The following PTCHD4 variants were observed in gnomAD, a reference collection of about 807,000 sequenced individuals.
The protein encoded by PTCHD4 is patched domain containing 4.
In PTCHD4, 33 loss-of-function variants were observed where a neutral mutation model predicts 58.1. That is an observed-to-expected ratio of 0.57 (90% CI 0.43 to 0.76). The LOEUF is 0.76. Among genes scored for constraint, PTCHD4 ranks in the 30% least tolerant of loss-of-function variants. The pLI, the probability that PTCHD4 is intolerant of heterozygous loss-of-function variation, is 0.00. For synonymous variants in PTCHD4, 478 were observed against 409.6 expected (o/e 1.17, Z -2.02); for missense variants, 1,058 against 1,027.1 (o/e 1.03, Z -0.41).
intron 3 of PTCHD4, among the ~76,000 whole-genome samples, chr6:48,038,993 T>C (rs1763746196): frequency 6.6e-6 from 1 of 152,138 alleles, no homozygotes; most frequent in Non-Finnish European, 1.5e-5. Context: ...TTTGGAATTA[T>C]CAGATAAAGG....
chr6:48,109,122 G>A (rs936461353), intron 1 of PTCHD4, among the ~76,000 whole-genome samples: 4 of 152,046 alleles, frequency 2.6e-5, no homozygotes, highest in Non-Finnish European at 2.9e-5. Flanking sequence ...AAACTTCAAA[G>A]TAGTACTGTT....
At chr6:48,064,468 C>G (rs1764731121) in intron 3 of PTCHD4, among the ~76,000 whole-genome samples, 1 of 151,944 alleles carries the variant, frequency 6.6e-6, no homozygotes, top group South Asian at 2.1e-4. Flanking sequence ...AGGTAGACTT[C>G]AACAACATGT....
At position 47,931,011 on chromosome 6, in the gene PTCHD4, C is replaced by T. The variant is rs568765790; in HGVS notation, c.899-51075G>A. On this transcript the variant is annotated intron_variant, in intron 4 of 4. Coordinates refer to ENST00000339488, the MANE Select transcript of PTCHD4 (RefSeq NM_001384253.1). ...TGTTGGCTAAGCTGGTCTTGAACTC[C>T]TGACCTCAGGTGATCCACCCGCCTC... Among the ~76,000 whole-genome samples the T allele has an allele frequency of 6.6e-5, 10 of 152,346 alleles. No homozygotes were observed. The East Asian group carries it at 1.9e-3, about 29-fold the overall frequency.
chr6:48,048,589 T>C (rs1017432352), intron 3 of PTCHD4, among the ~76,000 whole-genome samples: 1 of 151,898 alleles, frequency 6.6e-6, no homozygotes, highest in Non-Finnish European at 1.5e-5. Context: ...TGTGATTTAG[T>C]AGGCCTTTTC....
intron 4 of PTCHD4, among the ~76,000 whole-genome samples, chr6:47,883,118 C>T (rs1349509869): frequency 6.6e-6 from 1 of 151,864 alleles, no homozygotes; most frequent in Non-Finnish European, 1.5e-5. Context: ...TACTTTCATT[C>T]AATGCAATAT....
At chr6:47,908,282 T>C (rs1039876842) in intron 4 of PTCHD4, among the ~76,000 whole-genome samples, 1 of 152,148 alleles carries the variant, frequency 6.6e-6, no homozygotes, top group Non-Finnish European at 1.5e-5. Flanking sequence ...TTACTATTAT[T>C]ATTGGGGTGA....
chr6:47,890,437 G>C (rs1484405099), intron 4 of PTCHD4, among the ~76,000 whole-genome samples: 2 of 152,162 alleles, frequency 1.3e-5, no homozygotes, highest in East Asian at 3.9e-4. Flanking sequence ...TGAGATCTGT[G>C]ACCTCAGGCC....
intron 4 of PTCHD4, among the ~76,000 whole-genome samples, chr6:47,894,670 A>G (rs1243727924): frequency 1.3e-5 from 2 of 152,234 alleles, no homozygotes; most frequent in African/African-American, 4.8e-5. Flanking sequence ...ATATCAAAAT[A>G]CATTTCTAAG....
intron 3 of PTCHD4, among the ~76,000 whole-genome samples, chr6:48,042,708 T>G (rs1425533675): frequency 6.6e-6 from 1 of 151,932 alleles, no homozygotes; most frequent in South Asian, 2.1e-4. Flanking sequence ...ATTGCAGTTT[T>G]CTTATTTTTC....
chr6:47,877,433 GT>G lies in PTCHD4; in HGVS notation c.*869del, dbSNP rs1763876498. On this transcript the variant is annotated 3_prime_UTR_variant, in exon 5 of 5. Transcript: ENST00000339488. The stretch of plus-strand genomic sequence containing the variant: ...AAGCCAACGAAAATCCATATCAACT[GT>G]TTATTTCTAATATGAAACAGTAAAC... Among the ~76,000 whole-genome samples, 3 of 152,130 alleles carry G rather than the reference GT, an allele frequency of 2.0e-5. No individual in the cohort carries two copies. In the South Asian group the frequency reaches 6.2e-4, roughly 32 times the overall value.
chr6:47,928,127 T>C (rs1176990872), intron 4 of PTCHD4, among the ~76,000 whole-genome samples: 2 of 152,204 alleles, frequency 1.3e-5, no homozygotes, highest in Non-Finnish European at 2.9e-5. Context: ...GCTTTGTTTT[T>C]CTGGACTATT....
chr6:48,073,346 G>C (rs986546546), intron 1 of PTCHD4, among the ~76,000 whole-genome samples: 6 of 152,234 alleles, frequency 3.9e-5, no homozygotes, highest in Middle Eastern at 3.4e-3. Context: ...CTGAGTTCTA[G>C]GCCAATTCCA....
chr6:48,052,654 T>C (rs973793836), intron 3 of PTCHD4, among the ~76,000 whole-genome samples: 2 of 152,058 alleles, frequency 1.3e-5, no homozygotes, highest in Admixed American at 6.6e-5. Context: ...TTATATGGCA[T>C]TGCAAAATAT....
At chr6:47,955,318 A>AT (rs1466666191) in intron 4 of PTCHD4, among the ~76,000 whole-genome samples, 3 of 152,226 alleles carry the variant, frequency 2.0e-5, no homozygotes, top group Admixed American at 2.0e-4. Context: ...GAGATATCTT[A>AT]TTTGGGCAGA....
At chr6:47,958,656 C>G (rs1766962011) in intron 4 of PTCHD4, among the ~76,000 whole-genome samples, 1 of 152,198 alleles carries the variant, frequency 6.6e-6, no homozygotes, top group Non-Finnish European at 1.5e-5. Flanking sequence ...AGCAAGAACT[C>G]TGCAGATCTG....
At chr6:48,067,286 G>A (rs940309505) in intron 3 of PTCHD4, among the ~76,000 whole-genome samples, 1 of 152,134 alleles carries the variant, frequency 6.6e-6, no homozygotes, top group African/African-American at 2.4e-5. Context: ...TAAATTGAGA[G>A]TCTAAACAGC....
At chr6:48,025,747 T>C (rs1245900946) in intron 3 of PTCHD4, among the ~76,000 whole-genome samples, 1 of 152,154 alleles carries the variant, frequency 6.6e-6, no homozygotes, top group Non-Finnish European at 1.5e-5. Context: ...GCTGTGTCAA[T>C]GCATTGTTAA....
intron 3 of PTCHD4, among the ~76,000 whole-genome samples, chr6:48,032,394 C>T (rs1763477378): frequency 1.3e-5 from 2 of 151,856 alleles, no homozygotes; most frequent in African/African-American, 4.8e-5. Flanking sequence ...AAAAATAGCT[C>T]GCTCTCTCTC....
chr6:47,939,268 C>T (rs1297117145), intron 4 of PTCHD4, among the ~76,000 whole-genome samples: 1 of 152,090 alleles, frequency 6.6e-6, no homozygotes, highest in African/African-American at 2.4e-5. Flanking sequence ...ATTACTAAAC[C>T]CTACTACCAG....
Sources: allele counts gnomAD v4.1 joint callset (sites outside exome capture counted in the v4.1 genomes callset), GRCh38; gene constraint gnomAD v4.1.1; transcripts MANE v1.5; gene names NCBI Gene and HGNC (gene_info 2026-07-23, HGNC 2026-07-21).